SQLE: variants seen among roughly 807,000 people sequenced by gnomAD.
SQLE encodes the protein squalene epoxidase.
SQLE carries 29 observed loss-of-function variants against 60.7 expected under a neutral mutation model. The observed-to-expected ratio is 0.48, with a 90% CI of 0.36 to 0.65. The LOEUF (loss-of-function observed/expected upper bound fraction) is 0.65. SQLE is among the 30% of genes least tolerant of loss of function. The probability of loss-of-function intolerance (pLI) is 0.00; values close to 1 mark genes in which losing one functional copy is unlikely to be tolerated. For missense variants in SQLE, 605 were observed against 684.1 expected, an observed-to-expected ratio of 0.88 and a Z score of 1.29; for synonymous variants, 237 against 246.8, an observed-to-expected ratio of 0.96 and a Z score of 0.37.
chr8:125,020,919 G>T, intron 10 of SQLE, 48 bp downstream of exon 10: 1 of 1,336,454 alleles, frequency 7.5e-7, no homozygotes, highest in South Asian at 1.2e-5. Flanking sequence ...ATTTTCTTAG[G>T]ACTGTTCAGT....
Position 124,998,531 on chromosome 8 carries a change from G to C in SQLE, c.-873G>C, listed in dbSNP as rs890114226. 1.4e-5 allele frequency: 9 copies of C among 666,628 alleles called. No homozygotes were observed. The highest frequency in any genetic ancestry group is 3.0e-5 in the East Asian group (1 of 32,892). 41.3% of individuals were successfully genotyped at this position (666,628 alleles called of 1,614,324 possible). On this transcript the variant is annotated 5_prime_UTR_variant, in exon 1 of 11. Transcript: ENST00000265896. ...AGACGCGTGGAGCCTGGCGGCGAGTGGGGGCGTGCGACGGTTACTCTGGTT... is the reference window on the plus strand; with the variant it reads ...AGACGCGTGGAGCCTGGCGGCGAGTCGGGGCGTGCGACGGTTACTCTGGTT...
chr8:125,002,835 C>G (rs543354995), intron 1 of SQLE, among the ~76,000 whole-genome samples: 2 of 152,284 alleles, frequency 1.3e-5, no homozygotes, highest in African/African-American at 2.4e-5. Flanking sequence ...ACAGTTTGCC[C>G]TATAATAAGT....
rs1326686558 is a variant in SQLE, at chr8:125,018,210, A to G, written c.1347+9A>G. On this transcript the variant is annotated intron_variant, in intron 8 of 10. Transcript: ENST00000265896. ...ATGCAGCTATTTTCGAGGTAAGATCAATTATTTTGACAAAAATGTCTCAAA... is the reference window on the plus strand; with the variant it reads ...ATGCAGCTATTTTCGAGGTAAGATCGATTATTTTGACAAAAATGTCTCAAA... The G allele has an allele frequency of 4.4e-6, 7 of 1,607,434 alleles. No homozygotes were observed. The highest frequency in any genetic ancestry group is 5.9e-6 in the Non-Finnish European group (7 of 1,177,978).
intron 7 of SQLE, among the ~76,000 whole-genome samples, chr8:125,015,219 T>C (rs1038096613): frequency 2.6e-5 from 4 of 152,200 alleles, no homozygotes; most frequent in African/African-American, 9.7e-5. Flanking sequence ...ATCACTATGC[T>C]CTTTTTTGGT....
At chr8:125,002,989 G>T (rs1271658587) in intron 1 of SQLE, among the ~76,000 whole-genome samples, 187 bp from the exon 2 acceptor site, 1 of 151,922 alleles carries the variant, frequency 6.6e-6, no homozygotes, top group Non-Finnish European at 1.5e-5. Context: ...TTTATTTAAC[G>T]AATATTTTGA....
chr8:125,003,267 T>C lies in SQLE; in HGVS notation c.383T>C (p.Ile128Thr). 6.2e-7 allele frequency: 1 copy of C among 1,613,958 alleles called. No homozygotes were observed. The highest frequency in any genetic ancestry group is 8.5e-7 in the Non-Finnish European group (1 of 1,179,884). Reference protein sequence around the residue: ...TSSQNDPEVIIVGAGVLGSAL... With the variant: ...TSSQNDPEVITVGAGVLGSAL... ...TCTCAGAATGACCCAGAAGTTATCA[T>C]CGTGGGAGCTGGCGTGCTTGGCTCT... is the stretch of plus-strand genomic sequence containing the variant. The change falls in exon 2 of 11, where the codon ATC (isoleucine) becomes ACC (threonine). Residue 128 changes from isoleucine (I) to threonine (T), a missense_variant. By Grantham distance (89) the Ile-to-Thr change is moderately conservative. Transcript: ENST00000265896.
At chr8:125,018,481 A>G in intron 8 of SQLE, 150 bp from the exon 9 acceptor site, 1 of 668,860 alleles carries the variant, frequency 1.5e-6, no homozygotes, top group African/African-American at 1.8e-5. Flanking sequence ...TCTGAAGGTG[A>G]TTTTTTATTT....
rs1815219501 is a variant in SQLE, at chr8:125,022,086, T to C, written c.*141T>C. The C allele has an allele frequency of 2.0e-6, 1 of 502,394 alleles. No homozygotes were observed. The highest frequency in any genetic ancestry group is 3.5e-5 in the East Asian group (1 of 28,894). The allele number at this position is 502,394 out of a possible 1,614,324, so 31.1% of individuals were successfully genotyped here. The stretch of plus-strand genomic sequence containing the variant: ...GACCAAGATTTGGATTAATTTGTTT[T>C]TGAAGTTTTTTGTATATAAATATGT... On this transcript the variant is annotated 3_prime_UTR_variant, in exon 11 of 11. Coordinates refer to ENST00000265896, the MANE Select transcript of SQLE (RefSeq NM_003129.4).
intron 5 of SQLE, 35 bp from the exon 6 acceptor site, chr8:125,009,137 A>T: frequency 6.4e-7 from 1 of 1,570,238 alleles, no homozygotes; most frequent in Non-Finnish European, 8.6e-7. Flanking sequence ...TGAAATTTGA[A>T]AATTATTAAA....
Position 125,015,357 on chromosome 8 carries a change from G to A in SQLE, c.1205-2702G>A, listed in dbSNP as rs528292309. ...TTTTTAAATCCATTCAGCCACTTAC[G>A]CCTTTCGAGTGGAGTTTAGTCCATC... On this transcript the variant is annotated intron_variant, in intron 7 of 10. Coordinates refer to ENST00000265896, the MANE Select transcript of SQLE (RefSeq NM_003129.4). 5.3e-5 allele frequency among the ~76,000 whole-genome samples: 8 copies of A among 152,144 alleles called. No homozygotes were observed. In the South Asian group the frequency reaches 1.2e-3, roughly 24 times the overall value.
intron 6 of SQLE, among the ~76,000 whole-genome samples, chr8:125,009,793 C>CAAAAAA (rs924370701): frequency 8.7e-6 from 1 of 115,294 alleles, no homozygotes. Flanking sequence ...AACTCCGTCT[C>CAAAAAA]AAAAAAAAAA....
At chr8:125,010,243 G>A (rs79595312) in intron 6 of SQLE, among the ~76,000 whole-genome samples, 9,661 of 152,264 alleles carry the variant, frequency 0.063, 438 homozygotes, top group Non-Finnish European at 0.089. Flanking sequence ...TCAGGATCAT[G>A]TTAGTTTTGA....
chr8:125,001,508 T>C (rs965356845), intron 1 of SQLE, among the ~76,000 whole-genome samples: 4 of 147,066 alleles, frequency 2.7e-5, no homozygotes, highest in Admixed American at 2.7e-4. Context: ...CAGGAAAAAC[T>C]TATGAAGAAG....
rs769082866 is a variant in SQLE at position 125,021,746 on chromosome 8, A to C, written c.1533-7A>C. The C allele has an allele frequency of 6.3e-7, 1 of 1,577,852 alleles. No individual in the cohort carries two copies. Among genetic ancestry groups the C allele is most frequent in the African/African-American group, 1.4e-5 (1 of 73,838 alleles). ...GTCTTACCAATATGTATTTTTTTCT[A>C]TTACAGATTGTCTCCTAACCCTCTA... is the stretch of plus-strand genomic sequence containing the variant. On this transcript the variant is annotated splice_polypyrimidine_tract_variant and splice_region_variant and intron_variant, in intron 10 of 10. Transcript: ENST00000265896.
At chr8:125,015,364 G>A (rs570538924) in intron 7 of SQLE, among the ~76,000 whole-genome samples, 2 of 152,130 alleles carry the variant, frequency 1.3e-5, no homozygotes, top group South Asian at 4.1e-4. Flanking sequence ...TACGCCTTTC[G>A]AGTGGAGTTT....
rs376620289 is a variant in SQLE, at chr8:124,999,685, G to T, written c.282G>T (p.Glu94Asp). The change falls in exon 1 of 11, where the codon GAG (glutamate) becomes GAT (aspartate). Residue 94 changes from glutamate (E) to aspartate (D), a missense_variant. Coordinates refer to ENST00000265896, the MANE Select transcript of SQLE (RefSeq NM_003129.4). ...PPESENKEQL[E>D]ARRRRKGTNI... ...AATCAGAAAATAAGGAGCAGCTCGA[G>T]GCCAGGAGGGTAGGTTGATTTCAAA... 7.5e-6 allele frequency: 12 copies of T among 1,590,944 alleles called. No homozygotes were observed. The highest frequency in any genetic ancestry group is 2.7e-5 in the African/African-American group (2 of 73,978).
At chr8:125,018,782 G>C in intron 9 of SQLE, 55 bp downstream of exon 9, 7 of 1,171,794 alleles carry the variant, frequency 6.0e-6, no homozygotes, top group Non-Finnish European at 7.2e-6. Flanking sequence ...TTTAGCGTAG[G>C]AAAGGAATAA....
rs990810017 is a variant in SQLE, at chr8:125,021,848, A to G, written c.1628A>G (p.Lys543Arg). 1 of 1,610,858 alleles carries G rather than the reference A, an allele frequency of 6.2e-7. No homozygotes were observed. The highest frequency in any genetic ancestry group is 1.3e-5 in the African/African-American group (1 of 74,888). Residue 543 changes from lysine to arginine, a missense_variant, in exon 11 of 11, where the codon AAA becomes AGA. By Grantham distance (26) the Lys-to-Arg change is conservative. Coordinates refer to ENST00000265896, the MANE Select transcript of SQLE (RefSeq NM_003129.4). The part of the protein sequence containing the change: ...FCFKSEPWIT[K>R]PRALLSSGAV... ...TTTAAGTCAGAACCTTGGATTACAAAACCTCGAGCCCTTCTCAGTAGTGGT... is the reference window on the plus strand; with the variant it reads ...TTTAAGTCAGAACCTTGGATTACAAGACCTCGAGCCCTTCTCAGTAGTGGT...
At position 124,998,535 on chromosome 8, in the gene SQLE, G is replaced by A. The variant is rs1028839528; in HGVS notation, c.-869G>A. On this transcript the variant is annotated 5_prime_UTR_variant, in exon 1 of 11. Transcript: ENST00000265896. ...GCGTGGAGCCTGGCGGCGAGTGGGG[G>A]CGTGCGACGGTTACTCTGGTTACTG... is the stretch of plus-strand genomic sequence containing the variant. 6.0e-6 allele frequency: 4 copies of A among 670,110 alleles called. No homozygotes were observed. Among genetic ancestry groups the A allele is most frequent in the East Asian group, 3.0e-5 (1 of 33,234 alleles). The allele number at this position is 670,110 out of a possible 1,614,324, so 41.5% of individuals were successfully genotyped here. A position where few individuals can be genotyped will look rare whatever the true frequency, so the allele number is the denominator to read the frequency against.
Sources: allele counts gnomAD v4.1 joint callset (sites outside exome capture counted in the v4.1 genomes callset), GRCh38; gene constraint gnomAD v4.1.1; transcripts MANE v1.5; gene names NCBI Gene and HGNC (gene_info 2026-07-23, HGNC 2026-07-21).